The following EEFSEC variants were observed in gnomAD, a reference collection of about 807,000 sequenced individuals.
EEFSEC encodes the protein eukaryotic elongation factor, selenocysteine-tRNA specific.
In EEFSEC, 43 loss-of-function variants were observed where a neutral mutation model predicts 42.1. The observed-to-expected ratio is 1.02, with a 90% confidence interval of 0.80 to 1.32. EEFSEC has a LOEUF of 1.32. Among genes scored for constraint, EEFSEC ranks in the 40% most tolerant of loss-of-function variants. EEFSEC has a pLI of 0.00. For missense variants in EEFSEC, 745 were observed against 803.6 expected, an observed-to-expected ratio of 0.93 and a Z score of 0.88; for synonymous variants, 354 against 339.1, an observed-to-expected ratio of 1.04 and a Z score of -0.48.
intron 4 of EEFSEC, among the ~76,000 whole-genome samples, chr3:128,318,346 G>C (rs548293218): frequency 3.3e-5 from 5 of 152,230 alleles, no homozygotes; most frequent in African/African-American, 1.2e-4. Flanking sequence ...CTGAGTGACT[G>C]TTTTCCATCT....
At chr3:128,383,516 CTT>C (rs1371043947) in intron 6 of EEFSEC, among the ~76,000 whole-genome samples, 1 of 152,208 alleles carries the variant, frequency 6.6e-6, no homozygotes, top group Non-Finnish European at 1.5e-5. Flanking sequence ...GGTCACATGT[CTT>C]TTGTGAAGGC....
At chr3:128,213,731 G>A (rs531713506) in intron 1 of EEFSEC, among the ~76,000 whole-genome samples, 33 of 151,052 alleles carry the variant, frequency 2.2e-4, no homozygotes, top group East Asian at 9.7e-4. Context: ...TTTAATGTAC[G>A]TTAGAAAAAA....
intron 6 of EEFSEC, 74 bp downstream of exon 6, chr3:128,358,447 G>A: frequency 6.4e-7 from 1 of 1,568,738 alleles, no homozygotes; most frequent in Non-Finnish European, 8.7e-7. Context: ...TGATGCCAAG[G>A]TGGCGCTCCT....
chr3:128,413,648 CAGAG>C, the EEFSEC span, among the ~76,000 whole-genome samples: 4 of 152,168 alleles, frequency 2.6e-5, no homozygotes, highest in African/African-American at 9.7e-5. Context: ...GACAGTGCAG[CAGAG>C]AGAAACGGCC....
At chr3:128,414,358 C>T in the EEFSEC span, among the ~76,000 whole-genome samples, 1 of 152,334 alleles carries the variant, frequency 6.6e-6, no homozygotes, top group East Asian at 1.9e-4. Context: ...CTGCTCCCAG[C>T]TCTTCAGCTC....
rs1434482495 is a variant in EEFSEC, at chr3:128,317,368, AC to A, written c.787-23864del. 6.6e-6 allele frequency among the ~76,000 whole-genome samples: 1 copy of A among 152,178 alleles called. No individual in the cohort carries two copies. The stretch of plus-strand genomic sequence containing the variant: ...TCTCCGCCCCGCTGCTGGAGCTCAG[AC>A]GCTCACTCTGGCCTTTCCTACCCTC... On this transcript the variant is annotated intron_variant, in intron 4 of 6. Transcript: ENST00000254730. This position sits in a 1 kb window ranked among gnomAD's most constrained non-coding sequence, Gnocchi z 4.1.
chr3:128,156,650 A>G (rs1471242101), intron 1 of EEFSEC, among the ~76,000 whole-genome samples: 2 of 152,224 alleles, frequency 1.3e-5, no homozygotes, highest in Non-Finnish European at 2.9e-5. Flanking sequence ...AACACATGTC[A>G]TCTGTTAATG....
At chr3:128,392,550 G>A (rs1422332150) in intron 6 of EEFSEC, among the ~76,000 whole-genome samples, 1 of 152,210 alleles carries the variant, frequency 6.6e-6, no homozygotes, top group Non-Finnish European at 1.5e-5. Context: ...GCCGAGGCAC[G>A]CGGCATCTCG....
chr3:128,402,125 C>T (rs2068055289), intron 6 of EEFSEC, among the ~76,000 whole-genome samples: 1 of 152,204 alleles, frequency 6.6e-6, no homozygotes, highest in Non-Finnish European at 1.5e-5. Context: ...ATAGACATCC[C>T]CCTGTGAGTA....
chr3:128,336,747 C>T (rs777449449), intron 4 of EEFSEC, among the ~76,000 whole-genome samples: 6 of 152,228 alleles, frequency 3.9e-5, no homozygotes, highest in Non-Finnish European at 7.3e-5. Context: ...TCTCATACAG[C>T]CTCATCCTTT....
chr3:128,222,153 C>T (rs779198132), intron 1 of EEFSEC, among the ~76,000 whole-genome samples: 59 of 151,618 alleles, frequency 3.9e-4, no homozygotes, highest in Non-Finnish European at 7.8e-4. Flanking sequence ...CATGCCCCAG[C>T]CTCCCCAGTA....
intron 4 of EEFSEC, among the ~76,000 whole-genome samples, chr3:128,327,295 C>G (rs1208374433): frequency 9.7e-6 from 1 of 103,212 alleles, no homozygotes; most frequent in Non-Finnish European, 1.9e-5. Flanking sequence ...TTCCCATCCC[C>G]CCCCCCCCAA....
intron 4 of EEFSEC, among the ~76,000 whole-genome samples, chr3:128,337,928 G>T (rs1364561928): frequency 6.6e-6 from 1 of 152,212 alleles, no homozygotes; most frequent in Non-Finnish European, 1.5e-5. Flanking sequence ...TCCTTGAGAA[G>T]CCCTTGCACA....
chr3:128,351,896 G>GT (rs2067390232), intron 5 of EEFSEC, among the ~76,000 whole-genome samples: 1 of 152,212 alleles, frequency 6.6e-6, no homozygotes, highest in South Asian at 2.1e-4. Context: ...TAACTGTGCT[G>GT]GCCTGGATTC....
chr3:128,227,615 G>A (rs982980453), intron 1 of EEFSEC, among the ~76,000 whole-genome samples: 3 of 152,218 alleles, frequency 2.0e-5, no homozygotes, highest in African/African-American at 7.2e-5. Flanking sequence ...GTAAGAGTTG[G>A]TGAGAGCGGC....
the EEFSEC span, among the ~76,000 whole-genome samples, chr3:128,414,392 G>C: frequency 6.6e-6 from 1 of 152,212 alleles, no homozygotes; most frequent in East Asian, 1.9e-4. Context: ...TGAGGACGCA[G>C]GGACCCAGAG....
At chr3:128,424,488 C>T in the EEFSEC span, among the ~76,000 whole-genome samples, 5 of 151,994 alleles carry the variant, frequency 3.3e-5, no homozygotes, top group African/African-American at 1.2e-4. Flanking sequence ...CTCTCATGAT[C>T]CTCCTGCCTC....
intron 6 of EEFSEC, among the ~76,000 whole-genome samples, chr3:128,377,044 GT>G (rs987136134): frequency 6.6e-6 from 1 of 152,056 alleles, no homozygotes; most frequent in East Asian, 1.9e-4. Context: ...CTCACAAACT[GT>G]TTTTTTAATA....
chr3:128,420,240 A>G, the EEFSEC span, among the ~76,000 whole-genome samples: 14 of 152,364 alleles, frequency 9.2e-5, no homozygotes, highest in African/African-American at 3.1e-4. Flanking sequence ...ACTGACTGCA[A>G]TTAAAGCCCA....
Sources: allele counts gnomAD v4.1 joint callset (sites outside exome capture counted in the v4.1 genomes callset), GRCh38; gene constraint gnomAD v4.1.1; non-coding constraint Gnocchi (gnomAD v3.1); transcripts MANE v1.5; gene names NCBI Gene and HGNC (gene_info 2026-07-23, HGNC 2026-07-21).